The following NLGN4Y variants were observed in gnomAD, a reference collection of about 807,000 sequenced individuals.
NLGN4Y encodes the protein neuroligin-4, Y-linked.
NLGN4Y carries 4 observed loss-of-function variants against 8.4 expected under a neutral mutation model. The observed-to-expected ratio is 0.48, with a 90% CI of 0.23 to 1.09. The LOEUF is 1.09. NLGN4Y is among the 50% of genes least tolerant of loss of function. The pLI, the probability that NLGN4Y is intolerant of heterozygous loss-of-function variation, is 0.19. For synonymous variants in NLGN4Y, 35 were observed against 75.6 expected (o/e 0.46, Z 2.78); for missense variants, 90 against 192.3 (o/e 0.47, Z 3.15).
intron 4 of NLGN4Y, among the ~76,000 whole-genome samples, chrY:14,757,389 AGGAATGCTTTCTTCCT>A (rs2081064787): frequency 9.2e-5 from 3 of 32,565 alleles, no homozygotes; most frequent in Non-Finnish European, 1.5e-4. Context: ...TTGTATTTTC[AGGAATGCTTTCTTCCT>A]GGTTATTTTA....
At chrY:14,732,117 G>A in intron 4 of NLGN4Y, among the ~76,000 whole-genome samples, 1 of 32,588 alleles carries the variant, frequency 3.1e-5, no homozygotes, top group African/African-American at 1.2e-4. Flanking sequence ...TGTGCTTTGG[G>A]GTCACAGAGG....
chrY:14,827,503 C>T (rs1037159415), intron 5 of NLGN4Y, among the ~76,000 whole-genome samples: 1 of 33,473 alleles, frequency 3.0e-5, no homozygotes, highest in African/African-American at 1.2e-4. Context: ...AATATGAGCC[C>T]GGCACTGTGG....
intron 1 of NLGN4Y, among the ~76,000 whole-genome samples, chrY:14,601,278 G>GT (rs2080425596): frequency 6.2e-4 from 18 of 29,266 alleles, no homozygotes; most frequent in Admixed American, 3.2e-3. Flanking sequence ...ATTTTTGGTG[G>GT]TTTTTTTTTG....
intron 4 of NLGN4Y, among the ~76,000 whole-genome samples, chrY:14,768,963 C>T (rs897374397): frequency 5.7e-4 from 19 of 33,488 alleles, no homozygotes; most frequent in African/African-American, 2.2e-3. Flanking sequence ...GTTCTCACTG[C>T]TCCCTGTCTT....
chrY:14,765,058 T>G, intron 4 of NLGN4Y, among the ~76,000 whole-genome samples: 1 of 33,944 alleles, frequency 2.9e-5, no homozygotes, highest in Non-Finnish European at 7.3e-5. Flanking sequence ...ATGATGTTTT[T>G]GAAAATGTGT....
intron 1 of NLGN4Y, among the ~76,000 whole-genome samples, chrY:14,543,890 A>G (rs765634784): frequency 3.0e-5 from 1 of 33,878 alleles, no homozygotes; most frequent in South Asian, 6.6e-4. Context: ...ATGTGTACGC[A>G]CACACAATCA....
Position 14,841,722 on chromosome Y carries a change from C to G in NLGN4Y, c.*460C>G, listed in dbSNP as rs2043224299. On this transcript the variant is annotated 3_prime_UTR_variant, in exon 7 of 7. Transcript: ENST00000684976. ...AAGAAAGACTCTATAGGCTTTTACA[C>G]AGCACATGAAGCAGTAATCCAGAAA... 2 of 119,805 alleles carry G rather than the reference C, an allele frequency of 1.7e-5. No individual in the cohort carries two copies. Among genetic ancestry groups the G allele is most frequent in the Admixed American group, 2.1e-4 (2 of 9,570 alleles). 29.9% of individuals were successfully genotyped at this position (119,805 alleles called of 400,897 possible). A position where few individuals can be genotyped will look rare whatever the true frequency, so the allele number is the denominator to read the frequency against.
intron 1 of NLGN4Y, among the ~76,000 whole-genome samples, chrY:14,527,764 T>C: frequency 2.9e-5 from 1 of 33,920 alleles, no homozygotes; most frequent in Non-Finnish European, 7.3e-5. Context: ...GGTCATCTGC[T>C]GTGCCCTCTG....
At chrY:14,671,114 C>A (rs1035588278) in intron 2 of NLGN4Y, among the ~76,000 whole-genome samples, 44 of 33,665 alleles carry the variant, frequency 1.3e-3, no homozygotes, top group African/African-American at 5.1e-3. Context: ...TTATGCAAAT[C>A]TTCTATGTGT....
rs376748917 is a variant in NLGN4Y, at chrY:14,533,713, G to C, written c.-112+9005G>C. ...GCCATCTAGGTTTTAAGCCCCACAT[G>C]CATTATGTATTTGTCCTAGAGCTTT... On this transcript the variant is annotated intron_variant, in intron 1 of 6. Coordinates refer to ENST00000684976, the MANE Select transcript of NLGN4Y (RefSeq NM_001365588.1). 5.2e-3 allele frequency among the ~76,000 whole-genome samples: 171 copies of C among 32,938 alleles called. No homozygotes were observed. In the East Asian group the frequency reaches 0.12, roughly 23 times the overall value. The allele number at this position is 32,938 out of a possible 37,273, so 88.4% of individuals were successfully genotyped here. A position where few individuals can be genotyped will look rare whatever the true frequency, so the allele number is the denominator to read the frequency against.
At chrY:14,828,339 G>GTA (rs371500808) in intron 5 of NLGN4Y, among the ~76,000 whole-genome samples, 10 of 29,633 alleles carry the variant, frequency 3.4e-4, no homozygotes, top group East Asian at 8.6e-4. Context: ...ATATATGTGA[G>GTA]TATATATATA....
At chrY:14,787,008 A>ATTAT (rs369196387) in intron 4 of NLGN4Y, among the ~76,000 whole-genome samples, 8 of 21,463 alleles carry the variant, frequency 3.7e-4, no homozygotes, top group Admixed American at 1.5e-3. Context: ...TTCTTCCTTC[A>ATTAT]TTATTTATTT....
chrY:14,803,325 T>C (rs2150584660), intron 4 of NLGN4Y, among the ~76,000 whole-genome samples: 1 of 28,049 alleles, frequency 3.6e-5, no homozygotes, highest in East Asian at 8.5e-4. Context: ...ATAATATATA[T>C]TATATGTATA....
intron 5 of NLGN4Y, among the ~76,000 whole-genome samples, chrY:14,827,771 C>T: frequency 3.0e-5 from 1 of 33,156 alleles, no homozygotes; most frequent in Non-Finnish European, 7.4e-5. Flanking sequence ...AGCAGAGAGA[C>T]ACTCTGTCTG....
intron 4 of NLGN4Y, among the ~76,000 whole-genome samples, chrY:14,811,475 G>T (rs2043080217): frequency 3.0e-5 from 1 of 33,402 alleles, no homozygotes; most frequent in Non-Finnish European, 7.4e-5. Flanking sequence ...CCAGCTACAG[G>T]TAAATGACAC....
chrY:14,601,938 AAG>A (rs2080428861), intron 1 of NLGN4Y, among the ~76,000 whole-genome samples: 1 of 32,387 alleles, frequency 3.1e-5, no homozygotes, highest in Non-Finnish European at 7.6e-5. Flanking sequence ...TTAAAAAAAA[AAG>A]AGGTCACTGG....
intron 2 of NLGN4Y, among the ~76,000 whole-genome samples, chrY:14,630,780 C>T: frequency 3.0e-5 from 1 of 33,099 alleles, no homozygotes; most frequent in Non-Finnish European, 7.4e-5. Flanking sequence ...TCAAGAATGT[C>T]GAGGAGACAA....
At chrY:14,757,357 C>T (rs2081064664) in intron 4 of NLGN4Y, among the ~76,000 whole-genome samples, 1 of 32,277 alleles carries the variant, frequency 3.1e-5, no homozygotes, top group African/African-American at 1.2e-4. Context: ...TCTCAGTTTC[C>T]ACATTTTTAA....
chrY:14,782,031 C>T, intron 4 of NLGN4Y, among the ~76,000 whole-genome samples: 2 of 32,920 alleles, frequency 6.1e-5, no homozygotes, highest in Non-Finnish European at 1.5e-4. Flanking sequence ...TGAAGGGAAC[C>T]GTGGGAATAA....
Sources: gnomAD v4.1 joint callset for allele counts (sites outside exome capture counted in the v4.1 genomes callset) on GRCh38, gnomAD v4.1.1 for gene constraint, MANE v1.5 for transcripts, NCBI Gene and HGNC (gene_info 2026-07-23, HGNC 2026-07-21) for gene names.